The following PDE1C variants were observed in gnomAD, a reference collection of about 807,000 sequenced individuals.
PDE1C encodes the protein phosphodiesterase 1C, also known as dual specificity calcium/calmodulin-dependent 3',5'-cyclic nucleotide phosphodiesterase 1C.
PDE1C carries 62 observed loss-of-function variants against 93.1 expected under a neutral mutation model. That is an observed-to-expected ratio of 0.67 (90% CI 0.54 to 0.82). PDE1C has a LOEUF of 0.82. Among genes scored for constraint, PDE1C ranks in the 40% least tolerant of loss-of-function variants. PDE1C has a pLI of 0.00. For synonymous variants in PDE1C, 325 were observed against 310.1 expected, an observed-to-expected ratio of 1.05 and a Z score of -0.50; for missense variants, 742 against 884.6, an observed-to-expected ratio of 0.84 and a Z score of 2.04.
the PDE1C span, among the ~76,000 whole-genome samples, chr7:31,674,196 A>AT: frequency 6.6e-6 from 1 of 152,052 alleles, no homozygotes; most frequent in African/African-American, 2.4e-5. Flanking sequence ...CACTGTTCTG[A>AT]TTTTTTTCAT....
At chr7:32,206,593 A>T (rs36029255) in intron 2 of PDE1C, among the ~76,000 whole-genome samples, 2 of 152,108 alleles carry the variant, frequency 1.3e-5, no homozygotes, top group Non-Finnish European at 2.9e-5. Context: ...CCTGGACCTG[A>T]GCAGGGGAGA....
intron 1 of PDE1C, among the ~76,000 whole-genome samples, chr7:32,408,022 C>T (rs939646963): frequency 6.6e-6 from 1 of 152,118 alleles, no homozygotes; most frequent in Non-Finnish European, 1.5e-5. Context: ...AGAATATTAT[C>T]TGGAGGAGAA....
intron 2 of PDE1C, among the ~76,000 whole-genome samples, chr7:31,931,255 A>C (rs1244036195): frequency 6.6e-6 from 1 of 152,206 alleles, no homozygotes. Flanking sequence ...AAGCAAGAGA[A>C]AGAAAGAAAG....
At chr7:31,628,082 C>T in the PDE1C span, among the ~76,000 whole-genome samples, 3 of 152,166 alleles carry the variant, frequency 2.0e-5, no homozygotes, top group Admixed American at 2.0e-4. Context: ...ACTACTGGAG[C>T]CTGTGAAAGT....
chr7:31,871,482 C>T (rs954120698), intron 6 of PDE1C, among the ~76,000 whole-genome samples: 1 of 151,588 alleles, frequency 6.6e-6, no homozygotes, highest in African/African-American at 2.4e-5. Flanking sequence ...GGACTAATAC[C>T]CAAAATGTAC....
At chr7:32,235,859 G>T (rs2128865643) in intron 1 of PDE1C, among the ~76,000 whole-genome samples, 1 of 152,112 alleles carries the variant, frequency 6.6e-6, no homozygotes, top group East Asian at 1.9e-4. Context: ...TTTTAAAGAA[G>T]AATAAAGTTG....
chr7:32,074,232 G>A (rs868350919), upstream of PDE1C, among the ~76,000 whole-genome samples: 1 of 152,038 alleles, frequency 6.6e-6, no homozygotes, highest in Middle Eastern at 3.2e-3. Context: ...AAAAAAAATA[G>A]GAATCAGGCT....
chr7:31,740,754 T>C, the PDE1C span, among the ~76,000 whole-genome samples: 6 of 152,250 alleles, frequency 3.9e-5, no homozygotes, highest in South Asian at 1.2e-3. Context: ...TGAGGAAAAA[T>C]GCCTCACTAT....
chr7:31,895,580 T>TTCTCTCTCTC (rs60958547), intron 2 of PDE1C, among the ~76,000 whole-genome samples: 6,190 of 144,766 alleles, frequency 0.043, 222 homozygotes, highest in African/African-American at 0.09. Flanking sequence ...TTTCTCTCTT[T>TTCTCTCTCTC]TCTCTCTCTC....
intron 2 of PDE1C, among the ~76,000 whole-genome samples, chr7:31,986,788 A>C (rs1194809891): frequency 6.6e-6 from 1 of 152,160 alleles, no homozygotes; most frequent in African/African-American, 2.4e-5. Flanking sequence ...TCTGGCCTCC[A>C]GAACTGTGAG....
intron 16 of PDE1C, chr7:31,789,710 A>G: frequency 1.0e-6 from 1 of 985,448 alleles, no homozygotes; most frequent in Non-Finnish European, 1.2e-6. Flanking sequence ...AATGTTCCTG[A>G]CTCAGGAAAG....
At position 31,830,197 on chromosome 7, in the gene PDE1C, A is replaced by C. The variant is rs916375071; in HGVS notation, c.1204-1824T>G. Among the ~76,000 whole-genome samples the C allele has an allele frequency of 3.3e-5, 5 of 151,384 alleles. No individual in the cohort carries two copies. The East Asian group carries it at 9.7e-4, about 29-fold the overall frequency. The stretch of plus-strand genomic sequence containing the variant: ...CTTTGGAAAGCAGATATACTTACGA[A>C]TTGAAAAAAAAAAACAGTGCTGATA... On this transcript the variant is annotated intron_variant, in intron 11 of 17. Transcript: ENST00000396191.
intron 1 of PDE1C, among the ~76,000 whole-genome samples, chr7:32,422,978 A>G (rs903551612): frequency 5.3e-5 from 8 of 152,154 alleles, no homozygotes; most frequent in African/African-American, 1.9e-4. Context: ...AATACACCCA[A>G]TATCTACTCG....
chr7:32,193,643 C>A (rs544421248), intron 2 of PDE1C, among the ~76,000 whole-genome samples: 1 of 152,174 alleles, frequency 6.6e-6, no homozygotes, highest in East Asian at 1.9e-4. Context: ...GTTTTGACAT[C>A]AAGACAATGT....
chr7:32,381,559 AGCATACTTCTACCTCAGG>A (rs1784534902), intron 1 of PDE1C, among the ~76,000 whole-genome samples: 1 of 152,096 alleles, frequency 6.6e-6, no homozygotes, highest in African/African-American at 2.4e-5. Flanking sequence ...TGAAAGCCCA[AGCATACTTCTACCTCAGG>A]GCCTCAATTA....
chr7:31,839,685 T>C (rs1340000635), intron 9 of PDE1C, among the ~76,000 whole-genome samples: 3 of 152,320 alleles, frequency 2.0e-5, no homozygotes, highest in Middle Eastern at 3.4e-3. Context: ...TGTTTTCATT[T>C]ATCTGGGGTG....
At chr7:31,945,129 G>A (rs970858641) in intron 2 of PDE1C, among the ~76,000 whole-genome samples, 2 of 152,066 alleles carry the variant, frequency 1.3e-5, no homozygotes, top group African/African-American at 4.8e-5. Context: ...CACATCACAT[G>A]TGCTCCAAGG....
chr7:31,655,578 C>A, the PDE1C span, among the ~76,000 whole-genome samples: 1 of 152,168 alleles, frequency 6.6e-6, no homozygotes, highest in Non-Finnish European at 1.5e-5. Context: ...CCCAGAGCAG[C>A]CTTCCACCAG....
intron 2 of PDE1C, among the ~76,000 whole-genome samples, chr7:31,936,081 T>G (rs1805017012): frequency 6.6e-6 from 1 of 152,218 alleles, no homozygotes; most frequent in Non-Finnish European, 1.5e-5. Flanking sequence ...AAAGTGACCA[T>G]ATTCTGCAAT....
Sources: gnomAD v4.1 joint callset for allele counts (sites outside exome capture counted in the v4.1 genomes callset) on GRCh38, gnomAD v4.1.1 for gene constraint, MANE v1.5 for transcripts, NCBI Gene and HGNC (gene_info 2026-07-23, HGNC 2026-07-21) for gene names.